TAF8: variants seen among roughly 807,000 people sequenced by gnomAD.
TAF8 encodes TATA-box binding protein associated factor 8.
TAF8 carries 47 observed loss-of-function variants against 36.5 expected under a neutral mutation model. That is an observed-to-expected ratio of 1.29 (90% CI 1.02 to 1.64). The LOEUF (loss-of-function observed/expected upper bound fraction) is 1.64, where lower values mean the gene tolerates loss of function less well. Among genes scored for constraint, TAF8 ranks in the 40% most tolerant of loss-of-function variants. TAF8 has a pLI of 0.00. For missense variants in TAF8, 420 were observed against 407.6 expected (o/e 1.03, Z -0.26); for synonymous variants, 175 against 159.5 (o/e 1.10, Z -0.73).
chr6:42,060,794 A>G (rs911753007), intron 5 of TAF8, among the ~76,000 whole-genome samples: 2 of 152,254 alleles, frequency 1.3e-5, no homozygotes, highest in African/African-American at 4.8e-5. Flanking sequence ...AAGAAAACAG[A>G]TTCTTATTGC....
In TAF8 at chr6:42,080,373, CTTTT is replaced by C. The variant is rs751949509; in HGVS notation, c.*2841_*2844del. On this transcript the variant is annotated 3_prime_UTR_variant, in exon 9 of 9. Transcript: ENST00000372977. ...AGGCTATACTCTTTTTTTTTCTTTT[CTTTT>C]TTTTTTTTTTTTGAGACGGCATCTC... The C allele has an allele frequency of 2.2e-4, 166 of 757,998 alleles. No individual in the cohort carries two copies. In the South Asian group the frequency reaches 6.3e-3, roughly 29 times the overall value. 47.0% of individuals were successfully genotyped at this position (757,998 alleles called of 1,614,324 possible).
rs201385171 is a variant in TAF8 at position 42,057,476 on chromosome 6, C to G, written c.452C>G (p.Pro151Arg). 221 of 1,614,152 alleles carry G rather than the reference C, an allele frequency of 1.4e-4. 1 individual carries two copies. The highest frequency in any genetic ancestry group is 1.6e-5 in the Non-Finnish European group (19 of 1,180,046). Reference sequence around the variant, plus strand: ...CCGCCGCACATCCCCAGCCATTTTCCTGAGTTCCCTGATCCCCACACCTAC... The same window carrying G: ...CCGCCGCACATCCCCAGCCATTTTCGTGAGTTCCCTGATCCCCACACCTAC... ...PHPPHIPSHF[P>R]EFPDPHTYIK... Residue 151 changes from proline to arginine, a missense_variant, in exon 5 of 9, where the codon CCT becomes CGT. Physicochemically the swap from Pro to Arg is moderately radical, Grantham distance 103. Coordinates refer to ENST00000372977, the MANE Select transcript of TAF8 (RefSeq NM_138572.3).
At chr6:42,070,744 G>A (rs1032418342) in intron 7 of TAF8, among the ~76,000 whole-genome samples, 10 of 152,284 alleles carry the variant, frequency 6.6e-5, no homozygotes, top group Middle Eastern at 3.4e-3. Flanking sequence ...AAGAAATAAC[G>A]TGTTTGTATG....
At chr6:42,063,221 T>C (rs1180351178) in intron 5 of TAF8, 1 of 152,050 alleles carries the variant, frequency 6.6e-6, no homozygotes, top group Non-Finnish European at 1.5e-5. Context: ...TGGAGTGCAA[T>C]GGGCGATCTC....
chr6:42,077,591 C>T lies in TAF8; in HGVS notation c.*46C>T, dbSNP rs1459665077. 6.2e-7 allele frequency: 1 copy of T among 1,608,210 alleles called. No individual in the cohort carries two copies. The highest frequency in any genetic ancestry group is 2.2e-5 in the East Asian group (1 of 44,760). Reference sequence around the variant, plus strand: ...TGTACAGGGGCGCAGATTCCACCCTCCCGGGGAGTTAAAGCCACTCAAGGG... The same window carrying T: ...TGTACAGGGGCGCAGATTCCACCCTTCCGGGGAGTTAAAGCCACTCAAGGG... On this transcript the variant is annotated 3_prime_UTR_variant, in exon 9 of 9. Coordinates refer to ENST00000372977, the MANE Select transcript of TAF8 (RefSeq NM_138572.3).
chr6:42,061,152 G>A (rs570516388), intron 5 of TAF8, among the ~76,000 whole-genome samples: 4 of 152,266 alleles, frequency 2.6e-5, no homozygotes, highest in African/African-American at 7.2e-5. Context: ...AAGATAAAAT[G>A]TCTGTGGATG....
At chr6:42,055,080 G>A (rs1209029729) in intron 2 of TAF8, among the ~76,000 whole-genome samples, 1 of 151,822 alleles carries the variant, frequency 6.6e-6, no homozygotes, top group African/African-American at 2.4e-5. Flanking sequence ...CCTACCACCA[G>A]GCCTGGCTAA....
At position 42,051,278 on chromosome 6, in the gene TAF8, TTTGC is replaced by T. The variant is rs1764770979; in HGVS notation, c.46-74_46-71del. ...AAATAAAATTATTTAGTAAAATAACTTTGCTTGCCGTTGACCACGTATGAACTAT... is the reference window on the plus strand; with the variant it reads ...AAATAAAATTATTTAGTAAAATAACTTTGCCGTTGACCACGTATGAACTAT... On this transcript the variant is annotated intron_variant, in intron 1 of 8. Transcript: ENST00000372977. 4 of 1,397,808 alleles carry T rather than the reference TTTGC, an allele frequency of 2.9e-6. No individual in the cohort carries two copies. In the African/African-American group the frequency reaches 5.8e-5, roughly 20 times the overall value. 86.6% of individuals were successfully genotyped at this position (1,397,808 alleles called of 1,614,324 possible). A position where few individuals can be genotyped will look rare whatever the true frequency, so the allele number is the denominator to read the frequency against.
downstream of TAF8, chr6:42,086,699 T>G: frequency 6.4e-7 from 1 of 1,551,176 alleles, no homozygotes; most frequent in Non-Finnish European, 8.7e-7. Flanking sequence ...AAGCGGTTTT[T>G]TTCACCCTAC....
rs1004979737 is a variant in TAF8, at chr6:42,078,667, C to G, written c.*1122C>G. ...AAGCTCCCTGAAGCGGGGCAGCACT[C>G]TCCTCCTGAGAGATTTACCATTTAT... On this transcript the variant is annotated 3_prime_UTR_variant, in exon 9 of 9. Transcript: ENST00000372977. 5 of 985,304 alleles carry G rather than the reference C, an allele frequency of 5.1e-6. No homozygotes were observed. Among genetic ancestry groups the G allele is most frequent in the Non-Finnish European group, 6.0e-6 (5 of 829,960 alleles). The allele number at this position is 985,304 out of a possible 1,614,324, so 61.0% of individuals were successfully genotyped here.
chr6:42,057,003 G>A (rs942539702), intron 4 of TAF8, among the ~76,000 whole-genome samples: 1 of 152,102 alleles, frequency 6.6e-6, no homozygotes, highest in Admixed American at 6.5e-5. Flanking sequence ...ATCCCCTCTT[G>A]TTATGATTAA....
At chr6:42,057,192 C>T (rs1035075703) in intron 4 of TAF8, among the ~76,000 whole-genome samples, 197 bp from the exon 5 acceptor site, 4 of 152,206 alleles carry the variant, frequency 2.6e-5, no homozygotes, top group African/African-American at 7.2e-5. Flanking sequence ...TCAAAGGGAA[C>T]GTCAACCAAG....
chr6:42,052,850 A>G (rs771781278), intron 2 of TAF8, among the ~76,000 whole-genome samples: 1 of 152,120 alleles, frequency 6.6e-6, no homozygotes, highest in Non-Finnish European at 1.5e-5. Context: ...GGCCCAATAA[A>G]GAAGTGGACA....
rs535248444 is a variant in TAF8 at position 42,076,727 on chromosome 6, AG to A, written c.781-370del. ...CTGATCCTGTATCTCCCAGTCATGCAGGGCATCCAGGATCACTTTTCTTCTT... is the reference window on the plus strand; with the variant it reads ...CTGATCCTGTATCTCCCAGTCATGCAGGCATCCAGGATCACTTTTCTTCTT... On this transcript the variant is annotated intron_variant, in intron 7 of 8. Transcript: ENST00000372977. Among the ~76,000 whole-genome samples the A allele has an allele frequency of 5.9e-5, 9 of 152,266 alleles. No homozygotes were observed. The East Asian group carries it at 1.7e-3, about 29-fold the overall frequency.
intron 5 of TAF8, chr6:42,057,891 C>T (rs1318620275): frequency 4.0e-6 from 1 of 247,956 alleles, no homozygotes; most frequent in Non-Finnish European, 7.7e-6. Flanking sequence ...GAAGCTGGCC[C>T]CAGTATTGCC....
intron 5 of TAF8, chr6:42,057,755 T>C (rs1765055470): frequency 2.6e-6 from 1 of 385,842 alleles, no homozygotes; most frequent in African/African-American, 2.4e-5. Flanking sequence ...CCCTGTCTCA[T>C]TTGAAAAATA....
In TAF8 at chr6:42,077,516, G is replaced by T. The variant is rs373289841; in HGVS notation, c.921-17G>T. 1.8e-4 allele frequency: 285 copies of T among 1,612,260 alleles called. No homozygotes were observed. The highest frequency in any genetic ancestry group is 2.3e-4 in the Non-Finnish European group (277 of 1,179,300). ...AGGGCCCACACCAGGAGGCTCCATGGTTCCTCTTCTTTCTAGGTCCCTCTC... is the reference window on the plus strand; with the variant it reads ...AGGGCCCACACCAGGAGGCTCCATGTTTCCTCTTCTTTCTAGGTCCCTCTC... On this transcript the variant is annotated splice_polypyrimidine_tract_variant and intron_variant, in intron 8 of 8. Coordinates refer to ENST00000372977, the MANE Select transcript of TAF8 (RefSeq NM_138572.3).
chr6:42,059,071 A>G (rs923435696), intron 5 of TAF8, among the ~76,000 whole-genome samples: 1 of 152,072 alleles, frequency 6.6e-6, no homozygotes, highest in Non-Finnish European at 1.5e-5. Context: ...AGGAGTGCTG[A>G]TTGGTCAGAG....
At chr6:42,050,762 A>G (rs1582206953) in intron 1 of TAF8, 176 bp downstream of exon 1, 2 of 961,668 alleles carry the variant, frequency 2.1e-6, no homozygotes, top group Non-Finnish European at 2.9e-6. Context: ...CGGCCTCCGG[A>G]GTTGGCGGAC....
Sources: gnomAD v4.1 joint callset for allele counts (sites outside exome capture counted in the v4.1 genomes callset) on GRCh38, gnomAD v4.1.1 for gene constraint, MANE v1.5 for transcripts, NCBI Gene and HGNC (gene_info 2026-07-23, HGNC 2026-07-21) for gene names.